Variants in PHF24 observed in about 807,000 individuals in gnomAD.
PHF24 encodes the protein Galpha inhibitory interacting protein.
PHF24 carries 25 observed loss-of-function variants against 42.6 expected under a neutral mutation model. The observed-to-expected ratio is 0.59, with a 90% CI of 0.43 to 0.82. The LOEUF (loss-of-function observed/expected upper bound fraction) is 0.82. Among genes scored for constraint, PHF24 ranks in the 40% least tolerant of loss-of-function variants. The pLI is 0.00. For synonymous variants in PHF24, 185 were observed against 204.8 expected (o/e 0.90, Z 0.83); for missense variants, 470 against 538.1 (o/e 0.87, Z 1.25).
At chr9:34,676,604 A>T in the PHF24 span, among the ~76,000 whole-genome samples, 1 of 152,216 alleles carries the variant, frequency 6.6e-6, no homozygotes, top group Non-Finnish European at 1.5e-5. Flanking sequence ...TGGCTTTCTT[A>T]CAGATACTGG....
chr9:34,888,517 A>G, the PHF24 span, among the ~76,000 whole-genome samples: 1 of 152,236 alleles, frequency 6.6e-6, no homozygotes, highest in African/African-American at 2.4e-5. Flanking sequence ...GGAACAGGCA[A>G]CAGGACTAGA....
At chr9:34,923,046 TTTG>T in the PHF24 span, 1 of 415,806 alleles carries the variant, frequency 2.4e-6, no homozygotes. Flanking sequence ...AAGTTTTGTT[TTTG>T]TTTTTTTTTT....
At chr9:34,931,158 C>T in the PHF24 span, among the ~76,000 whole-genome samples, 3 of 151,858 alleles carry the variant, frequency 2.0e-5, no homozygotes, top group African/African-American at 2.4e-5. Flanking sequence ...CGGTGGATCA[C>T]GAGGTCAGGA....
At chr9:34,733,355 T>C in the PHF24 span, among the ~76,000 whole-genome samples, 3 of 152,182 alleles carry the variant, frequency 2.0e-5, no homozygotes, top group African/African-American at 7.2e-5. Context: ...TATGTAAGTG[T>C]TTTTTAATAT....
At chr9:34,956,323 G>A (rs1030728110), upstream of PHF24, among the ~76,000 whole-genome samples, 3 of 152,136 alleles carry the variant, frequency 2.0e-5, no homozygotes, top group African/African-American at 4.8e-5. Flanking sequence ...GCAGTGGTGC[G>A]ATCTTGGCTC....
chr9:34,832,830 T>C, the PHF24 span: 8 of 1,551,656 alleles, frequency 5.2e-6, no homozygotes, highest in South Asian at 1.2e-5. Flanking sequence ...ACAGTCTGGG[T>C]ATTCTCAGGA....
At chr9:34,903,772 A>G in the PHF24 span, among the ~76,000 whole-genome samples, 1 of 151,944 alleles carries the variant, frequency 6.6e-6, no homozygotes, top group African/African-American at 2.4e-5. Context: ...TTTTGGCAGT[A>G]TGGCCATTTT....
At chr9:34,680,705 AAT>A in the PHF24 span, among the ~76,000 whole-genome samples, 6 of 64,494 alleles carry the variant, frequency 9.3e-5, no homozygotes, top group African/African-American at 2.8e-4. Context: ...AAAATAAATA[AAT>A]AAAAAAAAAA....
the PHF24 span, among the ~76,000 whole-genome samples, chr9:34,806,675 T>C: frequency 3.3e-5 from 5 of 152,174 alleles, no homozygotes; most frequent in Non-Finnish European, 4.4e-5. Context: ...GCCAGGTTGG[T>C]CTTGAACTAC....
the PHF24 span, among the ~76,000 whole-genome samples, chr9:34,896,533 T>C: frequency 3.9e-5 from 6 of 152,208 alleles, no homozygotes; most frequent in African/African-American, 1.4e-4. Context: ...ACAGATTTTA[T>C]AGCATCTAGC....
At chr9:34,894,111 T>G in the PHF24 span, among the ~76,000 whole-genome samples, 1 of 152,284 alleles carries the variant, frequency 6.6e-6, no homozygotes, top group Non-Finnish European at 1.5e-5. Context: ...ATGACTTCTT[T>G]ACGCAAAATC....
At chr9:34,797,124 G>C in the PHF24 span, among the ~76,000 whole-genome samples, 4 of 152,156 alleles carry the variant, frequency 2.6e-5, no homozygotes, top group Admixed American at 2.6e-4. Flanking sequence ...GCGTGCGATG[G>C]GGGTGTGGCT....
chr9:34,676,676 A>C, the PHF24 span, among the ~76,000 whole-genome samples: 2 of 152,218 alleles, frequency 1.3e-5, no homozygotes, highest in African/African-American at 4.8e-5. Context: ...ATAAGAAAAA[A>C]GGTTTAGTTG....
the PHF24 span, among the ~76,000 whole-genome samples, chr9:34,708,707 C>A: frequency 6.6e-6 from 1 of 152,206 alleles, no homozygotes; most frequent in Non-Finnish European, 1.5e-5. Flanking sequence ...ATCCGAAGGT[C>A]ACCCCTGGAG....
the PHF24 span, among the ~76,000 whole-genome samples, chr9:34,789,447 T>A: frequency 2.6e-5 from 4 of 152,224 alleles, no homozygotes; most frequent in Non-Finnish European, 5.9e-5. Context: ...CTGGGGCTAA[T>A]GCCCCATCCC....
chr9:34,874,552 T>C, the PHF24 span, among the ~76,000 whole-genome samples: 34 of 152,318 alleles, frequency 2.2e-4, no homozygotes, highest in African/African-American at 8.2e-4. Context: ...ACTCTGTTTT[T>C]TTCTCTTTGT....
At chr9:34,938,711 C>T in the PHF24 span, among the ~76,000 whole-genome samples, 3 of 151,412 alleles carry the variant, frequency 2.0e-5, no homozygotes, top group Admixed American at 6.6e-5. Context: ...CGGCGGATCA[C>T]GAGGACAGGA....
the PHF24 span, among the ~76,000 whole-genome samples, chr9:34,750,610 A>G: frequency 6.6e-6 from 1 of 152,122 alleles, no homozygotes; most frequent in Non-Finnish European, 1.5e-5. Context: ...TAGTTTATTT[A>G]TGCAATCAGT....
the PHF24 span, among the ~76,000 whole-genome samples, chr9:34,914,540 G>A: frequency 6.6e-6 from 1 of 151,770 alleles, no homozygotes; most frequent in African/African-American, 2.4e-5. Context: ...TTTTAGTTTT[G>A]TTTTTGTTTT....
Sources: allele counts gnomAD v4.1 joint callset (sites outside exome capture counted in the v4.1 genomes callset), GRCh38; gene constraint gnomAD v4.1.1; transcripts MANE v1.5; gene names NCBI Gene and HGNC (gene_info 2026-07-23, HGNC 2026-07-21).